Variants in LURAP1L observed in about 807,000 individuals in gnomAD.
The protein encoded by LURAP1L is leucine rich adaptor protein 1 like.
LURAP1L carries 12 observed loss-of-function variants against 13.8 expected under a neutral mutation model. The observed-to-expected ratio is 0.87, with a 90% CI of 0.56 to 1.41. LURAP1L has a LOEUF of 1.41. Ranked by LOEUF, LURAP1L falls within the 40% of genes most tolerant of loss-of-function variation. The probability of loss-of-function intolerance (pLI) is 0.00; values close to 1 mark genes in which losing one functional copy is unlikely to be tolerated. For synonymous variants in LURAP1L, 139 were observed against 119.2 expected (o/e 1.17, Z -1.08); for missense variants, 375 against 292.9 (o/e 1.28, Z -2.04).
chr9:12,795,272 G>A (rs1368781815), intron 1 of LURAP1L, among the ~76,000 whole-genome samples: 3 of 151,928 alleles, frequency 2.0e-5, no homozygotes, highest in Non-Finnish European at 4.4e-5. Context: ...TCACACCACT[G>A]ATTATTGTAT....
chr9:12,808,097 G>A (rs550819477), intron 1 of LURAP1L, among the ~76,000 whole-genome samples: 25 of 151,990 alleles, frequency 1.6e-4, no homozygotes, highest in African/African-American at 6.0e-4. Context: ...TGAACAAACT[G>A]TTCTGTTAGA....
chr9:12,813,622 T>G (rs2118542126), intron 1 of LURAP1L, among the ~76,000 whole-genome samples: 1 of 152,310 alleles, frequency 6.6e-6, no homozygotes, highest in South Asian at 2.1e-4. Flanking sequence ...ATTTGTGGCA[T>G]GTCCCTAGTT....
chr9:12,804,526 C>T (rs1478063140), intron 1 of LURAP1L, among the ~76,000 whole-genome samples: 1 of 151,506 alleles, frequency 6.6e-6, no homozygotes, highest in Non-Finnish European at 1.5e-5. Context: ...TGTTTTTAGT[C>T]GAAATGGAGT....
intron 1 of LURAP1L, among the ~76,000 whole-genome samples, chr9:12,782,457 G>C (rs1819286153): frequency 6.6e-6 from 1 of 152,126 alleles, no homozygotes; most frequent in African/African-American, 2.4e-5. Context: ...TCTGCATATG[G>C]ATATGTAGTT....
chr9:12,822,488 T>C lies in LURAP1L; in HGVS notation c.*728T>C, dbSNP rs17285931. ...TAATTGAGATTAAGTATGGAGGCCA[T>C]TCAAGGCAAAAATGTCCTAAATTTA... On this transcript the variant is annotated 3_prime_UTR_variant, in exon 2 of 2. Coordinates refer to ENST00000319264, the MANE Select transcript of LURAP1L (RefSeq NM_203403.2). 0.063 allele frequency among the ~76,000 whole-genome samples: 9,537 copies of C among 152,314 alleles called. 432 individuals are homozygous for C. Among genetic ancestry groups the C allele is most frequent in the Middle Eastern group, 0.17 (50 of 294 alleles).
chr9:12,818,130 T>TAAA (rs35502818), intron 1 of LURAP1L, among the ~76,000 whole-genome samples: 17 of 118,996 alleles, frequency 1.4e-4, no homozygotes, highest in Admixed American at 1.3e-3. Flanking sequence ...TTGCTTCCAC[T>TAAA]AAAAAAAAAA....
chr9:12,795,464 G>C (rs1256605569), intron 1 of LURAP1L, among the ~76,000 whole-genome samples: 2 of 151,870 alleles, frequency 1.3e-5, no homozygotes, highest in Admixed American at 1.3e-4. Context: ...ATCTTCCTTC[G>C]AGAAAGTGAT....
intron 1 of LURAP1L, among the ~76,000 whole-genome samples, chr9:12,777,856 T>C (rs1819213338): frequency 6.6e-6 from 1 of 152,214 alleles, no homozygotes; most frequent in Admixed American, 6.5e-5. Flanking sequence ...TTTATTTCCA[T>C]GGTAACGTGA....
At position 12,775,655 on chromosome 9, in the gene LURAP1L, A is replaced by C; in HGVS notation, c.-61A>C. ...TCTGCTGATTTCGCAGCAGCCTTCG[A>C]AGCCGTGGCTGCCTTTCATCTGCTG... On this transcript the variant is annotated 5_prime_UTR_variant, in exon 1 of 2. Transcript: ENST00000319264. 6.6e-7 allele frequency: 1 copy of C among 1,518,798 alleles called. No homozygotes were observed. The highest frequency in any genetic ancestry group is 1.4e-5 in the African/African-American group (1 of 71,716). The allele number at this position is 1,518,798 out of a possible 1,614,324, so 94.1% of individuals were successfully genotyped here. A position where few individuals can be genotyped will look rare whatever the true frequency, so the allele number is the denominator to read the frequency against.
chr9:12,791,828 ATGT>A lies in LURAP1L; in HGVS notation c.312+15805_312+15807del, dbSNP rs748418423. ...CCAAAAGAACAGTTGTGGGGCATAA[ATGT>A]TGTCCTTCGTCCATCGTGTGTACAC... On this transcript the variant is annotated intron_variant, in intron 1 of 1. Coordinates refer to ENST00000319264, the MANE Select transcript of LURAP1L (RefSeq NM_203403.2). Among the ~76,000 whole-genome samples, 8 of 152,210 alleles carry A rather than the reference ATGT, an allele frequency of 5.3e-5. No individual in the cohort carries two copies. The South Asian group carries it at 8.3e-4, about 16-fold the overall frequency.
intron 1 of LURAP1L, chr9:12,814,242 A>G (rs558326855): frequency 6.6e-6 from 1 of 152,308 alleles, no homozygotes; most frequent in Admixed American, 6.5e-5. Flanking sequence ...TACCATGTGA[A>G]AAGAATATCT....
At chr9:12,779,406 C>G (rs1254375789) in intron 1 of LURAP1L, among the ~76,000 whole-genome samples, 38 of 151,164 alleles carry the variant, frequency 2.5e-4, no homozygotes, top group Non-Finnish European at 7.4e-5. Flanking sequence ...TCCCAAGTAG[C>G]TGGGACTACA....
intron 1 of LURAP1L, among the ~76,000 whole-genome samples, chr9:12,818,062 A>G (rs535018686): frequency 3.3e-5 from 5 of 151,814 alleles, no homozygotes; most frequent in South Asian, 4.1e-4. Flanking sequence ...AACACGTTCT[A>G]ACTGACTTGC....
At chr9:12,817,626 A>G (rs903680788) in intron 1 of LURAP1L, among the ~76,000 whole-genome samples, 8 of 152,192 alleles carry the variant, frequency 5.3e-5, no homozygotes, top group Admixed American at 1.3e-4. Flanking sequence ...AACTCTCAGT[A>G]TCCTCAGAGT....
intron 1 of LURAP1L, among the ~76,000 whole-genome samples, chr9:12,801,689 C>T (rs1016442370): frequency 6.6e-6 from 1 of 152,116 alleles, no homozygotes; most frequent in Non-Finnish European, 1.5e-5. Flanking sequence ...TGACAAACTT[C>T]TTTTATATTC....
rs572741011 is a variant in LURAP1L at position 12,784,388 on chromosome 9, G to A, written c.312+8361G>A. 2.0e-5 allele frequency among the ~76,000 whole-genome samples: 3 copies of A among 152,292 alleles called. No homozygotes were observed. The South Asian group carries it at 6.2e-4, about 32-fold the overall frequency. On this transcript the variant is annotated intron_variant, in intron 1 of 1. Coordinates refer to ENST00000319264, the MANE Select transcript of LURAP1L (RefSeq NM_203403.2). ...AAGAAAATTGAGTGTTCAGATCTAA[G>A]TATTTGCCTATTGCAGCCATATCTG...
intron 1 of LURAP1L, 59 bp downstream of exon 1, chr9:12,776,086 G>A (rs927935062): frequency 5.9e-6 from 9 of 1,524,490 alleles, no homozygotes; most frequent in South Asian, 2.3e-5. Context: ...AAGATGGGGC[G>A]ATCTGAGAAT....
intron 1 of LURAP1L, among the ~76,000 whole-genome samples, chr9:12,792,965 A>G (rs1819462855): frequency 6.6e-6 from 1 of 152,092 alleles, no homozygotes; most frequent in Non-Finnish European, 1.5e-5. Flanking sequence ...TGTGAGAAGA[A>G]ACTTAGAATA....
chr9:12,781,216 C>T (rs1026404381), intron 1 of LURAP1L, among the ~76,000 whole-genome samples: 10 of 152,282 alleles, frequency 6.6e-5, no homozygotes, highest in Admixed American at 5.9e-4. Context: ...GGTGATCTGC[C>T]TGCCTCGGCC....
Sources: allele counts gnomAD v4.1 joint callset (sites outside exome capture counted in the v4.1 genomes callset), GRCh38; gene constraint gnomAD v4.1.1; transcripts MANE v1.5; gene names NCBI Gene and HGNC (gene_info 2026-07-23, HGNC 2026-07-21).